KLC1: variants seen among roughly 807,000 people sequenced by gnomAD.
KLC1 encodes the protein kinesin 2 60/70kDa.
KLC1 carries 30 observed loss-of-function variants against 84.2 expected under a neutral mutation model. That is an observed-to-expected ratio of 0.36 (90% CI 0.27 to 0.48). The LOEUF is 0.48. Among genes scored for constraint, KLC1 ranks in the 20% least tolerant of loss-of-function variants. KLC1 has a pLI of 0.99. For synonymous variants in KLC1, 289 were observed against 293.3 expected (o/e 0.99, Z 0.15); for missense variants, 499 against 805.4 (o/e 0.62, Z 4.60).
chr14:103,697,273 GA>G (rs1212385820), intron 15 of KLC1: 1 of 304,264 alleles, frequency 3.3e-6, no homozygotes, highest in Non-Finnish European at 4.8e-6. Context: ...ATAACATGAT[GA>G]AGGTTTAAAC....
At chr14:103,700,900 G>C (rs1419551014) in intron 16 of KLC1, among the ~76,000 whole-genome samples, 173 bp downstream of exon 16, 1 of 152,216 alleles carries the variant, frequency 6.6e-6, no homozygotes, top group Non-Finnish European at 1.5e-5. Flanking sequence ...GCAAGCCCAA[G>C]GGCCACAGAG....
At chr14:103,661,700 TGTG>T (rs1389152259) in intron 3 of KLC1, among the ~76,000 whole-genome samples, 1 of 152,200 alleles carries the variant, frequency 6.6e-6, no homozygotes, top group Non-Finnish European at 1.5e-5. Flanking sequence ...CAGAGCCGAT[TGTG>T]GTGGTGAGGA....
At chr14:103,695,764 CAGCACTGTGGCTGTGGG>C (rs1236035527) in intron 15 of KLC1, 1 of 985,330 alleles carries the variant, frequency 1.0e-6, no homozygotes, top group African/African-American at 1.7e-5. Flanking sequence ...GTGGCCTCTG[CAGCACTGTGGCTGTGGG>C]AGCACTGTGT....
chr14:103,630,461 A>ATATACTATTTCAGGTGTTC (rs1491368766), intron 1 of KLC1, among the ~76,000 whole-genome samples: 1 of 152,184 alleles, frequency 6.6e-6, no homozygotes, highest in Non-Finnish European at 1.5e-5. Context: ...AAAATTTGAG[A>ATATACTATTTCAGGTGTTC]TATACTATTT....
chr14:103,684,941 C>A, intron 13 of KLC1: 1 of 787,358 alleles, frequency 1.3e-6, no homozygotes, highest in Non-Finnish European at 2.2e-6. Context: ...GTCCTCCCCA[C>A]ATTTTTGAGG....
intron 14 of KLC1, among the ~76,000 whole-genome samples, chr14:103,688,324 T>C (rs1286019809): frequency 6.6e-6 from 1 of 152,198 alleles, no homozygotes; most frequent in Non-Finnish European, 1.5e-5. Flanking sequence ...TAGTTTTTTG[T>C]ATTTTTAGTA....
At chr14:103,679,294 T>G (rs556128786) in intron 12 of KLC1, 90 bp from the exon 13 acceptor site, 25 of 1,474,716 alleles carry the variant, frequency 1.7e-5, no homozygotes, top group East Asian at 6.8e-5. Flanking sequence ...AACTGTTTTT[T>G]TTTTTTTTTT....
In KLC1 at chr14:103,679,394, A is replaced by G. The variant is rs767342848; in HGVS notation, c.1499A>G (p.Asn500Ser). ...AMRSRKQGLD[N>S]VHKQRVAEVL... is the part of the protein sequence containing the mutation. Reference sequence around the variant, plus strand: ...CTGCCTGGCTCACAGGGTCTTGACAATGTTCACAAACAGAGGGTGGCAGAA... The same window carrying G: ...CTGCCTGGCTCACAGGGTCTTGACAGTGTTCACAAACAGAGGGTGGCAGAA... The change falls in exon 13 of 17, where the codon AAT becomes AGT. Residue 500 changes from asparagine (N) to serine (S), a missense_variant. Transcript: ENST00000334553. The G allele has an allele frequency of 2.0e-5, 33 of 1,613,872 alleles. No individual in the cohort carries two copies. Among genetic ancestry groups the G allele is most frequent in the Middle Eastern group, 1.6e-4 (1 of 6,084 alleles).
Position 103,689,477 on chromosome 14 carries a change from C to T in KLC1, c.1781+2266C>T, listed in dbSNP as rs548223626. ...CTACATGACTTTGGAAATTGCATCC[C>T]GTAAAATGCATACAACTGAATAATC... On this transcript the variant is annotated intron_variant, in intron 14 of 16. Transcript: ENST00000334553. Among the ~76,000 whole-genome samples, 4 of 152,154 alleles carry T rather than the reference C, an allele frequency of 2.6e-5. No individual in the cohort carries two copies. In the East Asian group the frequency reaches 7.7e-4, roughly 29 times the overall value.
intron 1 of KLC1, among the ~76,000 whole-genome samples, chr14:103,634,400 G>T (rs971129514): frequency 6.6e-6 from 1 of 152,178 alleles, no homozygotes; most frequent in Non-Finnish European, 1.5e-5. Context: ...ATGGGAGAAG[G>T]ATGAGATTAT....
rs775598831 is a variant in KLC1, at chr14:103,662,805, G to T, written c.675G>T (p.Ser225=). The part of the protein sequence containing the change: ...TLHNLVIQYA[S]QGRYEVAVPL... ...ACAACCTGGTGATCCAGTACGCCTC[G>T]CAGGGGCGCTACGAGGTAGCTGTGC... The change falls in exon 5 of 17, where the codon TCG becomes TCT. Residue 225 remains serine, a synonymous_variant. Transcript: ENST00000334553. The T allele has an allele frequency of 1.2e-6, 2 of 1,612,492 alleles. No individual in the cohort carries two copies. Among genetic ancestry groups the T allele is most frequent in the South Asian group, 1.1e-5 (1 of 91,026 alleles).
intron 1 of KLC1, among the ~76,000 whole-genome samples, chr14:103,639,524 C>T (rs2077329118): frequency 6.6e-6 from 1 of 152,090 alleles, no homozygotes; most frequent in Non-Finnish European, 1.5e-5. Context: ...CTTACTGTAG[C>T]CTTGAGCTCC....
At chr14:103,675,653 A>G in intron 10 of KLC1, 36 bp from the exon 11 acceptor site, 1 of 1,603,424 alleles carries the variant, frequency 6.2e-7, no homozygotes, top group Non-Finnish European at 8.5e-7. Flanking sequence ...TGCATTCAAG[A>G]TAATTATTCA....
Position 103,635,404 on chromosome 14 carries a change from C to T in KLC1, c.-2+5910C>T, listed in dbSNP as rs371725204. Among the ~76,000 whole-genome samples the T allele has an allele frequency of 3.9e-5, 6 of 152,220 alleles. No homozygotes were observed. In the East Asian group the frequency reaches 7.7e-4, roughly 20 times the overall value. ...ACTCCGAAGGCTGAGGTGGGAGAATCAGTTGAGCCCAGGAGTTCAAACTAG... is the reference window on the plus strand; with the variant it reads ...ACTCCGAAGGCTGAGGTGGGAGAATTAGTTGAGCCCAGGAGTTCAAACTAG... On this transcript the variant is annotated intron_variant, in intron 1 of 16. Transcript: ENST00000334553.
At chr14:103,684,134 G>T (rs1011592358) in intron 13 of KLC1, 1 of 152,020 alleles carries the variant, frequency 6.6e-6, no homozygotes, top group Non-Finnish European at 1.5e-5. Flanking sequence ...CCAAGATCAT[G>T]CCACTGCACT....
chr14:103,686,031 G>C, intron 13 of KLC1: 1 of 1,052,072 alleles, frequency 9.5e-7, no homozygotes, highest in South Asian at 3.1e-5. Context: ...GGCATGTGCC[G>C]CACGTGCTCC....
At position 103,693,633 on chromosome 14, in the gene KLC1, A is replaced by G. The variant is rs1372694004; in HGVS notation, c.1848+1208A>G. The G allele has an allele frequency of 2.6e-6, 4 of 1,535,624 alleles. No homozygotes were observed. Among genetic ancestry groups the G allele is most frequent in the South Asian group, 1.2e-5 (1 of 84,022 alleles). The stretch of plus-strand genomic sequence containing the variant: ...TGGCCCACTGAGAGCCAGCAGGGCT[A>G]GGTAACCTGTCTTGGGAGTGTGAGA... On this transcript the variant is annotated intron_variant, in intron 15 of 16. Transcript: ENST00000334553. The surrounding 1 kb of genome is among the most constrained non-coding windows in gnomAD (Gnocchi z 5.1).
intron 5 of KLC1, among the ~76,000 whole-genome samples, chr14:103,668,961 G>T (rs939197944): frequency 4.7e-5 from 7 of 148,242 alleles, no homozygotes; most frequent in African/African-American, 1.7e-4. Flanking sequence ...TGTATTTTTA[G>T]TAGCGATGGG....
intron 13 of KLC1, among the ~76,000 whole-genome samples, chr14:103,684,297 CATT>C (rs2081604482): frequency 6.6e-6 from 1 of 152,348 alleles, no homozygotes; most frequent in Admixed American, 6.5e-5. Flanking sequence ...ACTGTGAACA[CATT>C]ATCCTATTAA....
Sources: allele counts gnomAD v4.1 joint callset (sites outside exome capture counted in the v4.1 genomes callset), GRCh38; gene constraint gnomAD v4.1.1; non-coding constraint Gnocchi (gnomAD v3.1); transcripts MANE v1.5; gene names NCBI Gene and HGNC (gene_info 2026-07-23, HGNC 2026-07-21).